Variants in TPRN observed in about 807,000 individuals in gnomAD.
The protein encoded by TPRN is chromosome 9 open reading frame 75.
TPRN carries 32 observed loss-of-function variants against 42.6 expected under a neutral mutation model. That is an observed-to-expected ratio of 0.75 (90% CI 0.57 to 1.01). TPRN has a LOEUF of 1.01. Among genes scored for constraint, TPRN ranks in the 50% least tolerant of loss-of-function variants. TPRN has a pLI of 0.00. For synonymous variants in TPRN, 541 were observed against 445.6 expected (o/e 1.21, Z -2.70); for missense variants, 1,095 against 957.5 (o/e 1.14, Z -1.90).
Position 137,192,156 on chromosome 9 carries a change from T to C in TPRN, c.2092A>G (p.Asn698Asp). The C allele has an allele frequency of 6.2e-7, 1 of 1,613,732 alleles. No individual in the cohort carries two copies. Among genetic ancestry groups the C allele is most frequent in the Non-Finnish European group, 8.5e-7 (1 of 1,180,004 alleles). ...VEAMLTPASQ[N>D]DLSDFRSEPA... ...TCGCTGCGGAAGTCCGAGAGGTCAT[T>C]CTGACTGGCGGGTGTGAGCTGAAAG... The change falls in exon 4 of 4, where the codon AAT (asparagine) becomes GAT (aspartate). Residue 698 changes from asparagine (N) to aspartate (D), a missense_variant. By Grantham distance (23) the Asn-to-Asp change is conservative. Transcript: ENST00000409012.
rs1256514192 is a variant in TPRN, at chr9:137,200,549, GGC to G, written c.161_162del (p.Gly54AlafsTer175). The G allele has an allele frequency of 1.7e-6, 2 of 1,161,894 alleles. No individual in the cohort carries two copies. Among genetic ancestry groups the G allele is most frequent in the Non-Finnish European group, 2.1e-6 (2 of 944,940 alleles). The allele number at this position is 1,161,894 out of a possible 1,614,324, so 72.0% of individuals were successfully genotyped here. ...AGCATGAACGGGTTCTCGCGCAGCG[GGC>G]CCAGGCTCTCGGCCAGCACCCGCTG... ...PEQRVLAESL[G>X]PLRENPFMLL... On this transcript the variant is annotated frameshift_variant, in exon 1 of 4. Transcript: ENST00000409012. LOFTEE classifies it high-confidence loss of function. The surrounding 1 kb of genome is among the most constrained non-coding windows in gnomAD (Gnocchi z 4.3).
At chr9:137,196,262 C>G (rs559316114) in intron 1 of TPRN, among the ~76,000 whole-genome samples, 1 of 152,368 alleles carries the variant, frequency 6.6e-6, no homozygotes, top group African/African-American at 2.4e-5. Flanking sequence ...GCACTCCACC[C>G]CCACGCCCGG....
Position 137,200,385 on chromosome 9 carries a change from C to A in TPRN, c.327G>T (p.Ala109=). The change falls in exon 1 of 4, where the codon GCG becomes GCT. Residue 109 remains alanine (A), a synonymous_variant. Coordinates refer to ENST00000409012, the MANE Select transcript of TPRN (RefSeq NM_001128228.3). The surrounding 1 kb of genome is among the most constrained non-coding windows in gnomAD (Gnocchi z 4.3). ...IIETVPGFPP[A]PPAPGAAQIR... Reference sequence around the variant, plus strand: ...TCTGCGCGGCCCCCGGGGCGGGCGGCGCGGGCGGGAAGCCGGGCACCGTCT... The same window carrying A: ...TCTGCGCGGCCCCCGGGGCGGGCGGAGCGGGCGGGAAGCCGGGCACCGTCT... 1 of 1,087,512 alleles carries A rather than the reference C, an allele frequency of 9.2e-7. No homozygotes were observed. The highest frequency in any genetic ancestry group is 1.1e-6 in the Non-Finnish European group (1 of 898,210). The allele number at this position is 1,087,512 out of a possible 1,614,324, so 67.4% of individuals were successfully genotyped here. A position where few individuals can be genotyped will look rare whatever the true frequency, so the allele number is the denominator to read the frequency against.
At position 137,200,733 on chromosome 9, in the gene TPRN, G is replaced by T. The variant is rs1288024851; in HGVS notation, c.-22C>A. 9.0e-6 allele frequency: 10 copies of T among 1,110,078 alleles called. No homozygotes were observed. The highest frequency in any genetic ancestry group is 3.9e-5 in the South Asian group (1 of 25,674). 68.8% of individuals were successfully genotyped at this position (1,110,078 alleles called of 1,614,324 possible). A position where few individuals can be genotyped will look rare whatever the true frequency, so the allele number is the denominator to read the frequency against. On this transcript the variant is annotated 5_prime_UTR_variant, in exon 1 of 4. Coordinates refer to ENST00000409012, the MANE Select transcript of TPRN (RefSeq NM_001128228.3). The surrounding 1 kb of genome is among the most constrained non-coding windows in gnomAD (Gnocchi z 4.3). The stretch of plus-strand genomic sequence containing the variant: ...CCATGCTGCGAACGCGGCAGCGGAC[G>T]GCTGGACTGAGGGCCGGAGTGGCAG...
rs535676505 is a variant in TPRN at position 137,199,848 on chromosome 9, G to A, written c.864C>T (p.Ser288=). ...AGGAGTCGTTGGTGCTGGTGGCTGC[G>A]GAGACGCACTGGCGCTGGCTAGGAG... The part of the protein sequence containing the change: ...SATPSQRQCV[S]AATSTNDSFE... Residue 288 remains serine (S), a synonymous_variant, in exon 1 of 4, where the codon TCC becomes TCT. Transcript: ENST00000409012. 8.7e-5 allele frequency: 136 copies of A among 1,564,574 alleles called. 1 individual carries two copies. The East Asian group carries it at 3.2e-3, about 37-fold the overall frequency.
Position 137,199,053 on chromosome 9 carries a change from C to G in TPRN, c.1659G>C (p.Glu553Asp). 6.2e-7 allele frequency: 1 copy of G among 1,613,356 alleles called. No individual in the cohort carries two copies. The highest frequency in any genetic ancestry group is 1.3e-5 in the African/African-American group (1 of 75,078). The change falls in exon 1 of 4, where the codon GAG (glutamate) becomes GAC (aspartate). Residue 553 changes from glutamate to aspartate, a missense_variant. Transcript: ENST00000409012. ...KKRYPTVHEI[E>D]VIGGYLALQK... ...GCAGGGCCAGGTAGCCGCCAATCAC[C>G]TCGATCTCATGCACGGTGGGGTAGC...
Position 137,199,208 on chromosome 9 carries a change from T to C in TPRN, c.1504A>G (p.Thr502Ala). ...CCTGGCTTCCTCTTGGGCACCACTG[T>C]GAAGGTGTTGCTGCCCCGGGGCTGA... ...ELQPRGSNTF[T>A]VVPKRKPGTL... Residue 502 changes from threonine (T) to alanine (A), a missense_variant, in exon 1 of 4, where the codon ACA (threonine) becomes GCA (alanine). By Grantham distance (58) the Thr-to-Ala change is moderately conservative. Transcript: ENST00000409012. The C allele has an allele frequency of 6.2e-7, 1 of 1,613,032 alleles. No individual in the cohort carries two copies. Among genetic ancestry groups the C allele is most frequent in the Non-Finnish European group, 8.5e-7 (1 of 1,179,986 alleles).
At position 137,197,426 on chromosome 9, in the gene TPRN, G is replaced by C. The variant is rs565279327; in HGVS notation, c.1725+1561C>G. ...CCAGTTCTGTCCCTTCTGAGGGCAA[G>C]ATGGCCAGACTCTAGGCAGTGGCCT... On this transcript the variant is annotated intron_variant, in intron 1 of 3. Transcript: ENST00000409012. Among the ~76,000 whole-genome samples, 8 of 152,278 alleles carry C rather than the reference G, an allele frequency of 5.3e-5. No individual in the cohort carries two copies. The South Asian group carries it at 1.7e-3, about 32-fold the overall frequency.
rs979694079 is a variant in TPRN at position 137,192,632 on chromosome 9, G to A, written c.1785C>T (p.Ser595=). Residue 595 remains serine, a synonymous_variant, in exon 2 of 4, where the codon AGC becomes AGT. Coordinates refer to ENST00000409012, the MANE Select transcript of TPRN (RefSeq NM_001128228.3). ...LQTTFEYPSE[S]SLEQEEEVDQ... is the part of the protein sequence containing the mutation. ...CCACCTCTTCCTCCTGCTCTAGGGAGCTCTCGGAAGGGTACTCAAATGTGG... is the reference window on the plus strand; with the variant it reads ...CCACCTCTTCCTCCTGCTCTAGGGAACTCTCGGAAGGGTACTCAAATGTGG... 2.5e-6 allele frequency: 4 copies of A among 1,613,732 alleles called. No homozygotes were observed. Among genetic ancestry groups the A allele is most frequent in the Non-Finnish European group, 3.4e-6 (4 of 1,180,006 alleles).
rs1459569480 is a variant in TPRN, at chr9:137,197,988, G to C, written c.1725+999C>G. On this transcript the variant is annotated intron_variant, in intron 1 of 3. Transcript: ENST00000409012. ...GCCAATCCCGGGCAGGAAGCAAACAGAGGGAGGCAGCAGCCTATCTGCTGA... is the reference window on the plus strand; with the variant it reads ...GCCAATCCCGGGCAGGAAGCAAACACAGGGAGGCAGCAGCCTATCTGCTGA... Among the ~76,000 whole-genome samples the C allele has an allele frequency of 2.0e-5, 3 of 152,338 alleles. No individual in the cohort carries two copies. The East Asian group carries it at 5.8e-4, about 29-fold the overall frequency.
intron 1 of TPRN, among the ~76,000 whole-genome samples, chr9:137,197,702 G>T (rs1023950266): frequency 1.3e-5 from 2 of 152,214 alleles, no homozygotes; most frequent in Admixed American, 1.3e-4. Flanking sequence ...GGGAGAGGCA[G>T]ACAGGAGCTG....
At position 137,200,586 on chromosome 9, in the gene TPRN, C is replaced by T. The variant is rs1324709127; in HGVS notation, c.126G>A (p.Ala42=). ...ALGGGAGPGA[A]EPEQRVLAES... is the part of the protein sequence containing the mutation. The stretch of plus-strand genomic sequence containing the variant: ...CGGCCAGCACCCGCTGCTCGGGCTC[C>T]GCCGCCCCGGGCCCCGCGCCCCCGC... Residue 42 remains alanine, a synonymous_variant, in exon 1 of 4, where the codon GCG becomes GCA. Transcript: ENST00000409012. The surrounding 1 kb of genome is among the most constrained non-coding windows in gnomAD (Gnocchi z 4.3). 3.5e-6 allele frequency: 4 copies of T among 1,152,200 alleles called. No individual in the cohort carries two copies. In the African/African-American group the frequency reaches 6.6e-5, roughly 19 times the overall value. The allele number at this position is 1,152,200 out of a possible 1,614,324, so 71.4% of individuals were successfully genotyped here.
chr9:137,194,644 AGGCGGTGCGG>A (rs1455865946), intron 1 of TPRN: 2 of 152,378 alleles, frequency 1.3e-5, no homozygotes, highest in African/African-American at 2.4e-5. Context: ...CAGCCTGGCC[AGGCGGTGCGG>A]GGCGGGGGGT....
intron 1 of TPRN, among the ~76,000 whole-genome samples, chr9:137,197,143 G>A (rs1834717274): frequency 6.6e-6 from 1 of 152,166 alleles, no homozygotes; most frequent in South Asian, 2.1e-4. Flanking sequence ...CTGTCGCCCA[G>A]GCTGGAGTGC....
chr9:137,192,294 G>A lies in TPRN; in HGVS notation c.2038C>T (p.Pro680Ser). 1 of 1,613,024 alleles carries A rather than the reference G, an allele frequency of 6.2e-7. No individual in the cohort carries two copies. The highest frequency in any genetic ancestry group is 8.5e-7 in the Non-Finnish European group (1 of 1,180,020). The part of the protein sequence containing the change: ...KWQEQALEQA[P>S]REAEPPPVEA... ...ACGGGCGGGGGCTCTGCCTCCCTCG[G>A]GGCCTGCTCCAGCGCCTGCTCCTGC... The change falls in exon 3 of 4, where the codon CCG becomes TCG. Residue 680 changes from proline to serine, a missense_variant. By Grantham distance (74) the Pro-to-Ser change is moderately conservative. Coordinates refer to ENST00000409012, the MANE Select transcript of TPRN (RefSeq NM_001128228.3).
In TPRN at chr9:137,191,760, A is replaced by G. The variant is rs1248708905; in HGVS notation, c.*352T>C. 2 of 412,852 alleles carry G rather than the reference A, an allele frequency of 4.8e-6. No homozygotes were observed. Among genetic ancestry groups the G allele is most frequent in the South Asian group, 2.1e-5 (1 of 48,002 alleles). 25.6% of individuals were successfully genotyped at this position (412,852 alleles called of 1,614,324 possible). A position where few individuals can be genotyped will look rare whatever the true frequency, so the allele number is the denominator to read the frequency against. ...GGACAGCCCTTCACCCCGACACCCC[A>G]TGGCCACTGTGAGGCAGGCTGAGGA... On this transcript the variant is annotated 3_prime_UTR_variant, in exon 4 of 4. Transcript: ENST00000409012.
Position 137,199,207 on chromosome 9 carries a change from G to C in TPRN, c.1505C>G (p.Thr502Arg). 7 of 1,613,180 alleles carry C rather than the reference G, an allele frequency of 4.3e-6. No individual in the cohort carries two copies. Among genetic ancestry groups the C allele is most frequent in the Non-Finnish European group, 5.9e-6 (7 of 1,180,018 alleles). The part of the protein sequence containing the change: ...ELQPRGSNTF[T>R]VVPKRKPGTL... ...CCCTGGCTTCCTCTTGGGCACCACT[G>C]TGAAGGTGTTGCTGCCCCGGGGCTG... Residue 502 changes from threonine to arginine, a missense_variant, in exon 1 of 4, where the codon ACA becomes AGA. Coordinates refer to ENST00000409012, the MANE Select transcript of TPRN (RefSeq NM_001128228.3).
In TPRN at chr9:137,192,465, G is replaced by A. The variant is rs762943906; in HGVS notation, c.1952C>T (p.Pro651Leu). ...SSVRPESSRL[P>L]EGSSGLSSYT... ...TGGGCACTCACCTGAGCTACCCTCT[G>A]GCAGCCGAGAGCTCTCGGGTCTCAC... The change falls in exon 2 of 4, where the codon CCA becomes CTA. Residue 651 changes from proline to leucine, a missense_variant. Pro to Leu is a moderately conservative substitution (Grantham distance 98). Coordinates refer to ENST00000409012, the MANE Select transcript of TPRN (RefSeq NM_001128228.3). 3.7e-6 allele frequency: 6 copies of A among 1,606,492 alleles called. No individual in the cohort carries two copies. The Admixed American group carries it at 1.0e-4, about 27-fold the overall frequency.
rs568481752 is a variant in TPRN at position 137,199,734 on chromosome 9, G to A, written c.978C>T (p.Asn326=). Residue 326 remains asparagine, a synonymous_variant, in exon 1 of 4, where the codon AAC becomes AAT. Transcript: ENST00000409012. ...GGATGACCATGAAAGAATTTCGAGA[G>A]TTTGCGCGGAGGCTGGCCAGCGCCC... The part of the protein sequence containing the change: ...QARALASLRA[N]SRNSFMVIPK... 1 of 1,612,164 alleles carries A rather than the reference G, an allele frequency of 6.2e-7. No individual in the cohort carries two copies. Among genetic ancestry groups the A allele is most frequent in the Non-Finnish European group, 8.5e-7 (1 of 1,179,704 alleles).
Sources: gnomAD v4.1 joint callset for allele counts (sites outside exome capture counted in the v4.1 genomes callset) on GRCh38, gnomAD v4.1.1 for gene constraint, Gnocchi (gnomAD v3.1) non-coding constraint, MANE v1.5 for transcripts, NCBI Gene and HGNC (gene_info 2026-07-23, HGNC 2026-07-21) for gene names.